Variants in GTF2H3 observed in about 807,000 individuals in gnomAD.
GTF2H3 encodes TFIIH basal transcription factor complex p34 subunit.
A neutral mutation model predicts 51.1 loss-of-function variants in GTF2H3; 42 were observed. That is an observed-to-expected ratio of 0.82 (90% confidence interval 0.64 to 1.06). The LOEUF (loss-of-function observed/expected upper bound fraction) is 1.06. Among genes scored for constraint, GTF2H3 ranks in the 50% least tolerant of loss-of-function variants. GTF2H3 has a pLI of 0.00. For missense variants in GTF2H3, 326 were observed against 366.1 expected (o/e 0.89, Z 0.89); for synonymous variants, 123 against 123.8 (o/e 0.99, Z 0.04).
chr12:123,655,069 C>G (rs947163511), intron 8 of GTF2H3, 71 bp downstream of exon 8: 15 of 1,149,174 alleles, frequency 1.3e-5, no homozygotes, highest in Non-Finnish European at 1.9e-5. Flanking sequence ...TTTGAATGCT[C>G]TACTCTGAGG....
At position 123,652,566 on chromosome 12, in the gene GTF2H3, G is replaced by T. The variant is rs1955532045; in HGVS notation, c.457+5G>T. On this transcript the variant is annotated splice_donor_5th_base_variant and intron_variant, in intron 6 of 12. Coordinates refer to ENST00000543341, the MANE Select transcript of GTF2H3 (RefSeq NM_001516.5). ...GAATGAACAAGGAAGTTAAAGGTAA[G>T]AGCCTACGTTTTCCTATGAGAACTG... 1.3e-6 allele frequency: 2 copies of T among 1,489,042 alleles called. No homozygotes were observed. Among genetic ancestry groups the T allele is most frequent in the Non-Finnish European group, 1.8e-6 (2 of 1,087,198 alleles). 92.2% of individuals were successfully genotyped at this position (1,489,042 alleles called of 1,614,324 possible).
chr12:123,647,947 T>C lies in GTF2H3; in HGVS notation c.201-16T>C, dbSNP rs762468878. ...TGAGGCCTGGTGTAACCAGGTTTTT[T>C]CCCCTGCTGTTTCAGCCGATTCTTA... is the stretch of plus-strand genomic sequence containing the variant. On this transcript the variant is annotated splice_polypyrimidine_tract_variant and intron_variant, in intron 3 of 12. Transcript: ENST00000543341. The C allele has an allele frequency of 1.1e-5, 17 of 1,606,672 alleles. No individual in the cohort carries two copies. The highest frequency in any genetic ancestry group is 1.4e-5 in the Non-Finnish European group (17 of 1,177,154).
At chr12:123,651,811 C>T (rs1263469775) in intron 5 of GTF2H3, among the ~76,000 whole-genome samples, 1 of 146,366 alleles carries the variant, frequency 6.8e-6, no homozygotes, top group African/African-American at 2.5e-5. Context: ...CAAAGCGAGA[C>T]TACATCTCAA....
rs758284140 is a variant in GTF2H3, at chr12:123,655,782, T to C, written c.573T>C (p.Ile191=). The C allele has an allele frequency of 6.3e-7, 1 of 1,585,710 alleles. No homozygotes were observed. Among genetic ancestry groups the C allele is most frequent in the Non-Finnish European group, 8.7e-7 (1 of 1,154,642 alleles). ...AATGTTTCTTTTAGAATATTTTGATTGATGCCTGTGTTTTAGACTCCGACT... is the reference window on the plus strand; with the variant it reads ...AATGTTTCTTTTAGAATATTTTGATCGATGCCTGTGTTTTAGACTCCGACT... ...IFAAQKQNIL[I]DACVLDSDSG... is the part of the protein sequence containing the mutation. The change falls in exon 9 of 13, where the codon ATT becomes ATC. Residue 191 remains isoleucine (I), a synonymous_variant. Coordinates refer to ENST00000543341, the MANE Select transcript of GTF2H3 (RefSeq NM_001516.5).
At chr12:123,640,305 C>A (rs73416253) in intron 2 of GTF2H3, among the ~76,000 whole-genome samples, 1,605 of 149,896 alleles carry the variant, frequency 0.011, 31 homozygotes, top group African/African-American at 0.036. Flanking sequence ...TAAATGGAAT[C>A]AAACAGGTTA....
intron 2 of GTF2H3, among the ~76,000 whole-genome samples, chr12:123,640,492 A>C (rs1185169137): frequency 6.6e-6 from 1 of 151,362 alleles, no homozygotes; most frequent in African/African-American, 2.4e-5. Flanking sequence ...ATCCGTCACC[A>C]CGCCCAGCTA....
intron 7 of GTF2H3, among the ~76,000 whole-genome samples, chr12:123,654,444 G>T (rs182985008): frequency 6.6e-6 from 1 of 151,310 alleles, no homozygotes; most frequent in Non-Finnish European, 1.5e-5. Flanking sequence ...ATGTCCGTGT[G>T]TGTATTTTGT....
At chr12:123,652,418 T>G in intron 5 of GTF2H3, 114 bp from the exon 6 acceptor site, 1 of 644,454 alleles carries the variant, frequency 1.6e-6, no homozygotes. Context: ...GCATTTCCCT[T>G]CTTAGCTAGG....
At chr12:123,652,091 T>C (rs1336976504) in intron 5 of GTF2H3, among the ~76,000 whole-genome samples, 1 of 152,236 alleles carries the variant, frequency 6.6e-6, no homozygotes, top group Non-Finnish European at 1.5e-5. Flanking sequence ...TTGTTTTGCA[T>C]AGGGCAATAC....
At chr12:123,659,154 G>A (rs1466585736) in intron 9 of GTF2H3, among the ~76,000 whole-genome samples, 1 of 152,134 alleles carries the variant, frequency 6.6e-6, no homozygotes, top group African/African-American at 2.4e-5. Context: ...GAACTTCCTC[G>A]AAAAGTTAAG....
intron 9 of GTF2H3, 60 bp downstream of exon 9, chr12:123,655,884 AT>A: frequency 9.8e-7 from 1 of 1,024,262 alleles, no homozygotes; most frequent in Non-Finnish European, 1.5e-6. Context: ...TTTTATATTG[AT>A]TACAATTTAA....
At chr12:123,636,940 C>T (rs1955293502) in intron 1 of GTF2H3, among the ~76,000 whole-genome samples, 1 of 152,000 alleles carries the variant, frequency 6.6e-6, no homozygotes, top group Non-Finnish European at 1.5e-5. Flanking sequence ...TAATAATTAG[C>T]TGGATGTGGT....
rs752005073 is a variant in GTF2H3 at position 123,639,292 on chromosome 12, A to G, written c.42A>G (p.Val14=). The G allele has an allele frequency of 1.9e-6, 3 of 1,572,542 alleles. No homozygotes were observed. Among genetic ancestry groups the G allele is most frequent in the Non-Finnish European group, 2.6e-6 (3 of 1,142,410 alleles). ...ATGAATTGAATCTTCTGGTTATTGT[A>G]GTTGATGCCAACCCAATTTGGTGGG... The part of the protein sequence containing the change: ...DEDELNLLVI[V]VDANPIWWGK... The change falls in exon 2 of 13, where the codon GTA becomes GTG. Residue 14 remains valine (V), a synonymous_variant. Coordinates refer to ENST00000543341, the MANE Select transcript of GTF2H3 (RefSeq NM_001516.5).
At position 123,648,129 on chromosome 12, in the gene GTF2H3, A is replaced by G. The variant is rs1290484502; in HGVS notation, c.364+3A>G. The G allele has an allele frequency of 1.9e-6, 3 of 1,581,870 alleles. No individual in the cohort carries two copies. The highest frequency in any genetic ancestry group is 2.6e-6 in the Non-Finnish European group (3 of 1,156,762). On this transcript the variant is annotated splice_donor_region_variant and intron_variant, in intron 4 of 12. Coordinates refer to ENST00000543341, the MANE Select transcript of GTF2H3 (RefSeq NM_001516.5). ...GATTAAAGATCTAATGACCAAAAGT[A>G]ACAACTTTTAAACATTGTTATTTTG...
intron 9 of GTF2H3, among the ~76,000 whole-genome samples, chr12:123,657,864 C>T (rs1955606698): frequency 6.6e-6 from 1 of 152,148 alleles, no homozygotes; most frequent in Non-Finnish European, 1.5e-5. Flanking sequence ...TAAATGGAAG[C>T]ACTGCTGTGT....
At chr12:123,648,924 G>A (rs770513139) in intron 4 of GTF2H3, 1 of 152,622 alleles carries the variant, frequency 6.6e-6, no homozygotes, top group East Asian at 1.9e-4. Flanking sequence ...AGAGTGCTGG[G>A]ATTACAGGCA....
chr12:123,634,731 C>G lies in GTF2H3; in HGVS notation c.13+859C>G, dbSNP rs1242077877. Among the ~76,000 whole-genome samples, 8 of 152,282 alleles carry G rather than the reference C, an allele frequency of 5.3e-5. No homozygotes were observed. In the East Asian group the frequency reaches 1.5e-3, roughly 29 times the overall value. ...GTAGAGGATGGTGGGGAGACTCATTCATACATTAAACTACCACATACAGAG... is the reference window on the plus strand; with the variant it reads ...GTAGAGGATGGTGGGGAGACTCATTGATACATTAAACTACCACATACAGAG... On this transcript the variant is annotated intron_variant, in intron 1 of 12. Transcript: ENST00000543341.
At chr12:123,646,255 C>CTTTT (rs34427180) in intron 3 of GTF2H3, among the ~76,000 whole-genome samples, 1 of 135,834 alleles carries the variant, frequency 7.4e-6, no homozygotes, top group African/African-American at 2.7e-5. Context: ...TCTTCTATGT[C>CTTTT]TTTTTTTTTT....
At position 123,647,981 on chromosome 12, in the gene GTF2H3, A is replaced by G. The variant is rs531549382; in HGVS notation, c.219A>G (p.Gly73=). The G allele has an allele frequency of 8.1e-6, 13 of 1,613,682 alleles. No homozygotes were observed. The East Asian group carries it at 2.9e-4, about 36-fold the overall frequency. Residue 73 remains glycine (G), a synonymous_variant, in exon 4 of 13, where the codon GGA becomes GGG. Transcript: ENST00000543341. ...GTTTCAGCCGATTCTTATATCCTGG[A>G]AAGAATGGCAGACTTGGAGACTTCT... ...HIQESRFLYP[G]KNGRLGDFFG...
Sources: gnomAD v4.1 joint callset for allele counts (sites outside exome capture counted in the v4.1 genomes callset) on GRCh38, gnomAD v4.1.1 for gene constraint, MANE v1.5 for transcripts, NCBI Gene and HGNC (gene_info 2026-07-23, HGNC 2026-07-21) for gene names.